The following BICD1 variants were observed in gnomAD, a reference collection of about 807,000 sequenced individuals.
BICD1 encodes BICD cargo adaptor 1, also known as protein bicaudal D homolog 1.
BICD1 carries 35 observed loss-of-function variants against 92.5 expected under a neutral mutation model. That is an observed-to-expected ratio of 0.38 (90% CI 0.29 to 0.50). The LOEUF (loss-of-function observed/expected upper bound fraction) is 0.50. Among genes scored for constraint, BICD1 ranks in the 20% least tolerant of loss-of-function variants. BICD1 has a pLI of 0.93. For synonymous variants in BICD1, 429 were observed against 465.1 expected (o/e 0.92, Z 1.00); for missense variants, 950 against 1,189.8 (o/e 0.80, Z 2.97).
At chr12:32,335,190 G>T (rs906612950) in intron 6 of BICD1, among the ~76,000 whole-genome samples, 1 of 148,838 alleles carries the variant, frequency 6.7e-6, no homozygotes, top group African/African-American at 2.5e-5. Context: ...TTACTCTGTT[G>T]CCCAGGCTAG....
At chr12:32,300,343 T>G (rs896070925) in intron 3 of BICD1, among the ~76,000 whole-genome samples, 16 of 152,038 alleles carry the variant, frequency 1.1e-4, no homozygotes, top group Admixed American at 2.0e-4. Context: ...GACCTCATGA[T>G]CCTCCTGCCT....
chr12:32,253,877 G>C (rs537973898), intron 2 of BICD1, among the ~76,000 whole-genome samples: 3 of 116,636 alleles, frequency 2.6e-5, no homozygotes, highest in Non-Finnish European at 1.9e-5. Flanking sequence ...AATCACTGCC[G>C]TATCCCACCT....
intron 9 of BICD1, among the ~76,000 whole-genome samples, chr12:32,375,311 T>C (rs999823761): frequency 6.6e-6 from 1 of 151,932 alleles, no homozygotes; most frequent in Admixed American, 6.6e-5. Context: ...GGCAGATCAC[T>C]TGAAGTCAGG....
chr12:32,342,017 C>T (rs926354460), intron 8 of BICD1, among the ~76,000 whole-genome samples: 4 of 151,056 alleles, frequency 2.6e-5, no homozygotes, highest in Non-Finnish European at 4.4e-5. Context: ...AGGAGTTTAA[C>T]CATTATAAAA....
intron 1 of BICD1, among the ~76,000 whole-genome samples, chr12:32,115,386 G>GTTTTTTTTTTTTTTTTTTTTT (rs149711623): frequency 1.0e-4 from 10 of 97,734 alleles, no homozygotes; most frequent in South Asian, 3.1e-4. Flanking sequence ...TGGTGTTTTT[G>GTTTTTTTTTTTTTTTTTTTTT]GTTTTTTTTT....
At chr12:32,211,534 T>C (rs1945215159) in intron 1 of BICD1, among the ~76,000 whole-genome samples, 1 of 152,186 alleles carries the variant, frequency 6.6e-6, no homozygotes, top group African/African-American at 2.4e-5. Flanking sequence ...CACTTGCTCT[T>C]AAGACTTTAG....
At chr12:32,372,602 G>A (rs796098713) in intron 9 of BICD1, among the ~76,000 whole-genome samples, 14 of 152,230 alleles carry the variant, frequency 9.2e-5, no homozygotes, top group African/African-American at 3.4e-4. Context: ...TTTTCAGCCG[G>A]ACATGGTGAC....
intron 4 of BICD1, among the ~76,000 whole-genome samples, chr12:32,315,779 T>G (rs1001352447): frequency 6.6e-6 from 1 of 152,126 alleles, no homozygotes; most frequent in Non-Finnish European, 1.5e-5. Flanking sequence ...ACTGTTCTGT[T>G]TTTCATTTTC....
chr12:32,245,427 A>G (rs1307949387), intron 2 of BICD1, among the ~76,000 whole-genome samples: 1 of 152,076 alleles, frequency 6.6e-6, no homozygotes, highest in Non-Finnish European at 1.5e-5. Flanking sequence ...GTTATTTGGA[A>G]CACAAGCTGT....
chr12:32,267,541 T>A (rs978133456), intron 2 of BICD1, among the ~76,000 whole-genome samples: 4 of 152,226 alleles, frequency 2.6e-5, no homozygotes, highest in African/African-American at 9.6e-5. Flanking sequence ...GTCTTTTCAT[T>A]TACTTTATTG....
At chr12:32,330,750 A>G (rs1035661960) in intron 5 of BICD1, among the ~76,000 whole-genome samples, 1 of 152,192 alleles carries the variant, frequency 6.6e-6, no homozygotes, top group Non-Finnish European at 1.5e-5. Context: ...ATACCATATT[A>G]GATAAGGCTT....
At chr12:32,251,033 A>G (rs1288481689) in intron 2 of BICD1, among the ~76,000 whole-genome samples, 1 of 152,110 alleles carries the variant, frequency 6.6e-6, no homozygotes, top group Non-Finnish European at 1.5e-5. Context: ...CTTAGGTCCT[A>G]GTTCTTTTGA....
chr12:32,252,837 A>G (rs1237231781), intron 2 of BICD1, among the ~76,000 whole-genome samples: 1 of 152,002 alleles, frequency 6.6e-6, no homozygotes, highest in Non-Finnish European at 1.5e-5. Flanking sequence ...GCATTTTACT[A>G]TCGTTTTGTT....
intron 1 of BICD1, among the ~76,000 whole-genome samples, chr12:32,151,938 G>GT (rs1366194452): frequency 1.4e-3 from 220 of 152,058 alleles, no homozygotes; most frequent in African/African-American, 5.2e-3. Flanking sequence ...GCAGAGACTT[G>GT]TTTTTTTGTT....
At chr12:32,360,743 CTT>C in intron 8 of BICD1, among the ~76,000 whole-genome samples, 1 of 152,182 alleles carries the variant, frequency 6.6e-6, no homozygotes, top group Non-Finnish European at 1.5e-5. Flanking sequence ...AATTCATTGA[CTT>C]ATATTTATGA....
intron 3 of BICD1, among the ~76,000 whole-genome samples, chr12:32,300,920 G>C (rs1948026915): frequency 6.6e-6 from 1 of 151,944 alleles, no homozygotes; most frequent in Non-Finnish European, 1.5e-5. Context: ...CAAAGTGCTG[G>C]GATTACAGGC....
intron 1 of BICD1, among the ~76,000 whole-genome samples, chr12:32,135,386 CTTTTTTTTTT>C (rs71064999): frequency 8.9e-5 from 4 of 44,834 alleles, no homozygotes; most frequent in East Asian, 7.8e-4. Context: ...CCATGCGTGG[CTTTTTTTTTT>C]TTTTTTTTTT....
At chr12:32,268,492 G>C (rs1947056705) in intron 2 of BICD1, among the ~76,000 whole-genome samples, 1 of 152,198 alleles carries the variant, frequency 6.6e-6, no homozygotes, top group Non-Finnish European at 1.5e-5. Flanking sequence ...TTAGAAGCTT[G>C]TAAAAATAAG....
At chr12:32,298,039 C>T (rs1056137255) in intron 3 of BICD1, among the ~76,000 whole-genome samples, 8 of 151,806 alleles carry the variant, frequency 5.3e-5, no homozygotes, top group Admixed American at 3.3e-4. Context: ...AAAAATTAAC[C>T]AAGTGTGATG....
Sources: allele counts gnomAD v4.1 joint callset (sites outside exome capture counted in the v4.1 genomes callset), GRCh38; gene constraint gnomAD v4.1.1; transcripts MANE v1.5; gene names NCBI Gene and HGNC (gene_info 2026-07-23, HGNC 2026-07-21).